PSMC1: variants seen among roughly 807,000 people sequenced by gnomAD.
The protein encoded by PSMC1 is 26S proteasome regulatory subunit 4.
In PSMC1, 5 loss-of-function variants were observed where a neutral mutation model predicts 49.8. The ratio of observed to expected loss-of-function variants is 0.10; its 90% confidence interval spans 0.05 to 0.21. PSMC1 has a LOEUF of 0.21. Among genes scored for constraint, PSMC1 ranks in the 10% least tolerant of loss-of-function variants. PSMC1 has a pLI of 1.00. For synonymous variants in PSMC1, 155 were observed against 192.1 expected (o/e 0.81, Z 1.60); for missense variants, 181 against 535.7 (o/e 0.34, Z 6.54).
In PSMC1 at chr14:90,264,148, C is replaced by A; in HGVS notation, c.573C>A (p.Asp191Glu). Residue 191 changes from aspartate (D) to glutamate (E), a missense_variant, in exon 6 of 11, where the codon GAC (aspartate) becomes GAA (glutamate). This residue lies in a region of PSMC1 where 121 missense variants were observed against 358.6 expected (regional missense o/e 0.34). Transcript: ENST00000261303. ...QETYADIGGL[D>E]NQIQEIKESV... is the part of the protein sequence containing the mutation. ...CCTATGCAGATATTGGGGGGTTGGA[C>A]AACCAAATTCAGGAAATTAAGGTAT... The A allele has an allele frequency of 6.2e-7, 1 of 1,611,746 alleles. No homozygotes were observed. The highest frequency in any genetic ancestry group is 1.3e-5 in the African/African-American group (1 of 74,834).
In PSMC1 at chr14:90,265,182, GAC is replaced by G; in HGVS notation, c.691+19_691+20del. The G allele has an allele frequency of 6.3e-7, 1 of 1,581,476 alleles. No homozygotes were observed. Among genetic ancestry groups the G allele is most frequent in the Non-Finnish European group, 8.7e-7 (1 of 1,154,458 alleles). ...CCTGGCACAGGTATGCTCTGTTTTT[GAC>G]ACTTTCCAGGCACCCAGCTGGTCTC... On this transcript the variant is annotated intron_variant, in intron 7 of 10. Transcript: ENST00000261303.
At chr14:90,264,308 T>G in intron 6 of PSMC1, 139 bp downstream of exon 6, 1 of 1,243,228 alleles carries the variant, frequency 8.0e-7, no homozygotes, top group Non-Finnish European at 1.1e-6. Context: ...AGTTGTGGTA[T>G]TTTTGTATTT....
rs2139649965 is a variant in PSMC1 at position 90,268,363 on chromosome 14, T to C, written c.831T>C (p.His277=). ...AATTGTTCCGAGTTGCTGAAGAACA[T>C]GCACCGTCCATCGTGTTTATTGATG... The part of the protein sequence containing the change: ...VRELFRVAEE[H]APSIVFIDEI... The change falls in exon 8 of 11, where the codon CAT becomes CAC. Residue 277 remains histidine (H), a synonymous_variant. Transcript: ENST00000261303. 2 of 1,613,730 alleles carry C rather than the reference T, an allele frequency of 1.2e-6. No individual in the cohort carries two copies. Among genetic ancestry groups the C allele is most frequent in the Non-Finnish European group, 1.7e-6 (2 of 1,179,822 alleles).
chr14:90,260,946 T>A (rs2139643001), intron 3 of PSMC1, among the ~76,000 whole-genome samples: 1 of 152,328 alleles, frequency 6.6e-6, no homozygotes, highest in Middle Eastern at 3.4e-3. Context: ...AGGTTGAACT[T>A]TAGTAACTAA....
intron 3 of PSMC1, among the ~76,000 whole-genome samples, chr14:90,260,828 T>A: frequency 6.6e-6 from 1 of 152,246 alleles, no homozygotes; most frequent in Non-Finnish European, 1.5e-5. Flanking sequence ...GGAGGCAGAT[T>A]GCAGTGAGCC....
chr14:90,260,453 G>A (rs962294984), intron 3 of PSMC1, among the ~76,000 whole-genome samples: 2 of 152,090 alleles, frequency 1.3e-5, no homozygotes, highest in Non-Finnish European at 2.9e-5. Context: ...TCACCGTGGC[G>A]GGGTGCGGTG....
At position 90,274,838 on chromosome 14, in the gene PSMC1, A is replaced by ACCCCCCCC. The variant is rs1206866308; in HGVS notation, c.*2435_*2436insCCCCCCCC. On this transcript the variant is annotated 3_prime_UTR_variant, in exon 11 of 11. Transcript: ENST00000261303. ...CACACACACACACACACACACACAC[A>ACCCCCCCC]CCCCAATACATATGAATTGATCTGA... 8.9e-5 allele frequency: 6 copies of ACCCCCCCC among 67,180 alleles called. No individual in the cohort carries two copies. Among genetic ancestry groups the ACCCCCCCC allele is most frequent in the Non-Finnish European group, 1.9e-4 (6 of 31,314 alleles). 4.2% of individuals were successfully genotyped at this position (67,180 alleles called of 1,614,324 possible). A position where few individuals can be genotyped will look rare whatever the true frequency, so the allele number is the denominator to read the frequency against.
chr14:90,269,573 T>C (rs1891607165), intron 9 of PSMC1, 25 bp downstream of exon 9: 4 of 1,608,422 alleles, frequency 2.5e-6, no homozygotes, highest in Non-Finnish European at 1.7e-6. Flanking sequence ...GGTTTCATCA[T>C]GGAGATTAAT....
rs1891577744 is a variant in PSMC1, at chr14:90,268,548, AG to A, written c.881+137del. 4 of 808,244 alleles carry A rather than the reference AG, an allele frequency of 4.9e-6. No homozygotes were observed. In the East Asian group the frequency reaches 1.0e-4, roughly 20 times the overall value. The allele number at this position is 808,244 out of a possible 1,614,324, so 50.1% of individuals were successfully genotyped here. On this transcript the variant is annotated intron_variant, in intron 8 of 10. Coordinates refer to ENST00000261303, the MANE Select transcript of PSMC1 (RefSeq NM_002802.3). ...GTGCGTGGCCTTCCATGCATGCTTT[AG>A]GCTCTGCTCTCCCAGGAGCCAGCTA...
chr14:90,269,415 T>C lies in PSMC1; in HGVS notation c.900T>C (p.Gly300=), dbSNP rs758960996. The C allele has an allele frequency of 6.2e-7, 1 of 1,604,380 alleles. No individual in the cohort carries two copies. Among genetic ancestry groups the C allele is most frequent in the Non-Finnish European group, 8.5e-7 (1 of 1,176,906 alleles). The part of the protein sequence containing the change: ...IGTKRYDSNS[G]GEREIQRTML... ...TCCAAAGATATGACTCCAATTCTGGTGGTGAGAGAGAAATTCAGCGAACAA... is the reference window on the plus strand; with the variant it reads ...TCCAAAGATATGACTCCAATTCTGGCGGTGAGAGAGAAATTCAGCGAACAA... Residue 300 remains glycine (G), a synonymous_variant, in exon 9 of 11, where the codon GGT becomes GGC. Coordinates refer to ENST00000261303, the MANE Select transcript of PSMC1 (RefSeq NM_002802.3).
At chr14:90,267,255 G>A (rs1252845006) in intron 7 of PSMC1, among the ~76,000 whole-genome samples, 3 of 151,608 alleles carry the variant, frequency 2.0e-5, no homozygotes, top group Admixed American at 6.6e-5. Context: ...TTAGCCTCTC[G>A]GGTTCAAGCA....
At chr14:90,259,746 C>T (rs551411437) in intron 2 of PSMC1, among the ~76,000 whole-genome samples, 25 of 152,174 alleles carry the variant, frequency 1.6e-4, no homozygotes, top group Middle Eastern at 3.4e-3. Flanking sequence ...CTCAGCCTCC[C>T]GAGTAGCTGG....
chr14:90,265,233 A>G (rs1595042942), intron 7 of PSMC1, 67 bp downstream of exon 7: 1 of 1,101,632 alleles, frequency 9.1e-7, no homozygotes, highest in Non-Finnish European at 1.4e-6. Flanking sequence ...TTGGCTAGTT[A>G]TAATTACTGA....
intron 7 of PSMC1, among the ~76,000 whole-genome samples, chr14:90,266,027 G>T (rs904689234): frequency 3.3e-5 from 5 of 152,058 alleles, no homozygotes; most frequent in Admixed American, 2.6e-4. Flanking sequence ...AGGTCAAGGC[G>T]GATGGATGAC....
At chr14:90,267,275 C>T (rs1891542466) in intron 7 of PSMC1, among the ~76,000 whole-genome samples, 1 of 151,992 alleles carries the variant, frequency 6.6e-6, no homozygotes, top group Non-Finnish European at 1.5e-5. Context: ...AATTCTCCTG[C>T]CTCAGCCTCC....
chr14:90,269,299 T>C (rs1463855251), intron 8 of PSMC1, 98 bp from the exon 9 acceptor site: 2 of 1,072,794 alleles, frequency 1.9e-6, no homozygotes, highest in African/African-American at 1.6e-5. Context: ...ACAGGAATGT[T>C]TGTTAAGGTG....
Position 90,263,685 on chromosome 14 carries a change from T to C in PSMC1, c.303T>C (p.Asp101=), listed in dbSNP as rs1193608540. ...AGGAGGAAAGATCAAAAGTGGATGA[T>C]CTGAGGGGGACCCCGATGTCAGTAG... The part of the protein sequence containing the change: ...KQEEERSKVD[D]LRGTPMSVGT... The change falls in exon 5 of 11, where the codon GAT becomes GAC. Residue 101 remains aspartate (D), a synonymous_variant. Transcript: ENST00000261303. The C allele has an allele frequency of 5.0e-6, 8 of 1,613,388 alleles. No individual in the cohort carries two copies. The highest frequency in any genetic ancestry group is 5.9e-6 in the Non-Finnish European group (7 of 1,179,692).
chr14:90,273,432 C>G lies in PSMC1; in HGVS notation c.*1025C>G, dbSNP rs1891719907. 1 of 152,154 alleles carries G rather than the reference C, an allele frequency of 6.6e-6. No homozygotes were observed. Among genetic ancestry groups the G allele is most frequent in the African/African-American group, 2.4e-5 (1 of 41,412 alleles). The allele number at this position is 152,154 out of a possible 1,614,324, so 9.4% of individuals were successfully genotyped here. A position where few individuals can be genotyped will look rare whatever the true frequency, so the allele number is the denominator to read the frequency against. On this transcript the variant is annotated 3_prime_UTR_variant, in exon 11 of 11. Coordinates refer to ENST00000261303, the MANE Select transcript of PSMC1 (RefSeq NM_002802.3). Reference sequence around the variant, plus strand: ...AATTAGCTGTGCGTGGTGGCAGGTGCCTGTAGTCCCAGCTACTCAGGAGGC... The same window carrying G: ...AATTAGCTGTGCGTGGTGGCAGGTGGCTGTAGTCCCAGCTACTCAGGAGGC...
At chr14:90,269,312 T>G in intron 8 of PSMC1, 85 bp from the exon 9 acceptor site, 2 of 1,214,446 alleles carry the variant, frequency 1.6e-6, no homozygotes, top group South Asian at 1.5e-5. Flanking sequence ...TTAAGGTGTT[T>G]TGTCACAATG....
Sources: allele counts gnomAD v4.1 joint callset (sites outside exome capture counted in the v4.1 genomes callset), GRCh38; gene constraint gnomAD v4.1.1; regional missense constraint gnomAD v4.1.1; transcripts MANE v1.5; gene names NCBI Gene and HGNC (gene_info 2026-07-23, HGNC 2026-07-21).